Variants in TMEM131 observed in about 807,000 individuals in gnomAD.
TMEM131 encodes the protein transmembrane protein 131.
A neutral mutation model predicts 211.6 loss-of-function variants in TMEM131; 66 were observed. That is an observed-to-expected ratio of 0.31 (90% CI 0.26 to 0.38). The LOEUF is 0.38. Ranked by LOEUF, TMEM131 falls within the 10% of genes least tolerant of loss-of-function variation. The probability of loss-of-function intolerance (pLI) is 1.00; values close to 1 mark genes in which losing one functional copy is unlikely to be tolerated. For missense variants in TMEM131, 2,036 were observed against 2,299.3 expected (o/e 0.89, Z 2.34); for synonymous variants, 844 against 841.3 (o/e 1.00, Z -0.06).
intron 1 of TMEM131, among the ~76,000 whole-genome samples, chr2:97,969,307 T>C (rs954306673): frequency 8.5e-5 from 13 of 152,098 alleles, no homozygotes; most frequent in African/African-American, 3.1e-4. Flanking sequence ...TGTGTGTGCT[T>C]AGACAGACAA....
In TMEM131 at chr2:97,858,121, G is replaced by A. The variant is rs978743942; in HGVS notation, c.483+1183C>T. ...ATATGATGAAACAGGATTTTAGAGA[G>A]GAGAAATGTAAACATCAAATAAATG... On this transcript the variant is annotated intron_variant, in intron 5 of 40. Coordinates refer to ENST00000186436, the MANE Select transcript of TMEM131 (RefSeq NM_015348.2). Among the ~76,000 whole-genome samples the A allele has an allele frequency of 5.3e-5, 8 of 152,240 alleles. No individual in the cohort carries two copies. The East Asian group carries it at 1.5e-3, about 29-fold the overall frequency.
chr2:97,876,115 G>C, intron 4 of TMEM131, among the ~76,000 whole-genome samples: 1 of 152,186 alleles, frequency 6.6e-6, no homozygotes, highest in Non-Finnish European at 1.5e-5. Flanking sequence ...AGAAGAAATG[G>C]ATAAATTCCT....
At chr2:97,929,694 A>T (rs1677138776) in intron 1 of TMEM131, among the ~76,000 whole-genome samples, 1 of 151,854 alleles carries the variant, frequency 6.6e-6, no homozygotes, top group Non-Finnish European at 1.5e-5. Flanking sequence ...TGACAGTGCC[A>T]ACCTGCTCCA....
intron 8 of TMEM131, among the ~76,000 whole-genome samples, chr2:97,836,062 G>A (rs1387815204): frequency 2.6e-5 from 4 of 152,264 alleles, no homozygotes; most frequent in Admixed American, 2.6e-4. Context: ...CTGAAGGATT[G>A]TTTTATAGAT....
intron 19 of TMEM131, among the ~76,000 whole-genome samples, chr2:97,807,171 A>G (rs1435193913): frequency 6.6e-6 from 1 of 152,210 alleles, no homozygotes; most frequent in African/African-American, 2.4e-5. Flanking sequence ...TTGGTAATAT[A>G]GAGGTAATTT....
chr2:97,915,189 A>G (rs2104396427), intron 2 of TMEM131, among the ~76,000 whole-genome samples: 1 of 152,224 alleles, frequency 6.6e-6, no homozygotes, highest in African/African-American at 2.4e-5. Flanking sequence ...CTTTATTTTT[A>G]TACTATTGAG....
chr2:97,927,662 C>G (rs373148448), intron 1 of TMEM131, among the ~76,000 whole-genome samples, 175 bp from the exon 2 acceptor site: 1 of 152,022 alleles, frequency 6.6e-6, no homozygotes, highest in Non-Finnish European at 1.5e-5. Context: ...CTAAGAAATA[C>G]TTTAAAATAA....
At chr2:97,942,973 AAAG>A (rs1381636824) in intron 1 of TMEM131, among the ~76,000 whole-genome samples, 1 of 123,822 alleles carries the variant, frequency 8.1e-6, no homozygotes, top group African/African-American at 3.3e-5. Context: ...AAAAAGAAAG[AAAG>A]AAAGAAAGAA....
intron 11 of TMEM131, among the ~76,000 whole-genome samples, chr2:97,830,612 G>T (rs1264076203): frequency 6.6e-6 from 1 of 152,202 alleles, no homozygotes; most frequent in Non-Finnish European, 1.5e-5. Context: ...CTGATATTAT[G>T]ATTCCGATTT....
In TMEM131 at chr2:97,831,664, CTTTTTTTT is replaced by C. The variant is rs11378393; in HGVS notation, c.1074+1693_1074+1700del. On this transcript the variant is annotated intron_variant, in intron 11 of 40. Coordinates refer to ENST00000186436, the MANE Select transcript of TMEM131 (RefSeq NM_015348.2). ...ATATACTTTCATGTTTCACATACCTCTTTTTTTTTTTTTTTTTTTTTTTTTGAGACAGT... is the reference window on the plus strand; with the variant it reads ...ATATACTTTCATGTTTCACATACCTCTTTTTTTTTTTTTTTTTGAGACAGT... Among the ~76,000 whole-genome samples the C allele has an allele frequency of 5.2e-4, 42 of 80,626 alleles. 1 individual carries two copies. The highest frequency in any genetic ancestry group is 1.5e-3 in the African/African-American group (30 of 19,790). 52.9% of individuals were successfully genotyped at this position (80,626 alleles called of 152,430 possible).
intron 12 of TMEM131, 125 bp from the exon 13 acceptor site, chr2:97,815,432 A>G (rs1681777737): frequency 3.8e-6 from 2 of 526,488 alleles, no homozygotes; most frequent in African/African-American, 4.0e-5. Flanking sequence ...CCAACAGAAC[A>G]CTTTTTATAA....
At chr2:97,913,308 A>C (rs1573548403) in intron 2 of TMEM131, among the ~76,000 whole-genome samples, 1 of 152,180 alleles carries the variant, frequency 6.6e-6, no homozygotes, top group Admixed American at 6.5e-5. Flanking sequence ...AGATATCAAT[A>C]ATTTAGATGT....
chr2:97,940,639 T>G (rs1677674547), intron 1 of TMEM131, among the ~76,000 whole-genome samples: 1 of 151,894 alleles, frequency 6.6e-6, no homozygotes. Flanking sequence ...AAACCCCGTC[T>G]CTACTAAAAA....
intron 4 of TMEM131, among the ~76,000 whole-genome samples, chr2:97,880,208 T>C (rs1177595204): frequency 2.6e-5 from 4 of 152,064 alleles, no homozygotes; most frequent in Non-Finnish European, 5.9e-5. Context: ...ATCAGTGCTT[T>C]CAGGAAATGA....
intron 36 of TMEM131, chr2:97,761,137 G>C (rs1678819187): frequency 7.5e-6 from 4 of 535,098 alleles, no homozygotes; most frequent in Admixed American, 6.4e-5. Context: ...AGATCACTAT[G>C]AAAGAGACCA....
At chr2:97,898,068 ATTTT>A (rs1013140017) in intron 3 of TMEM131, among the ~76,000 whole-genome samples, 1 of 151,720 alleles carries the variant, frequency 6.6e-6, no homozygotes, top group Non-Finnish European at 1.5e-5. Flanking sequence ...TTCATTACTG[ATTTT>A]TTTTGTCTGC....
At chr2:97,795,747 CAATT>C (rs796974931) in intron 28 of TMEM131, among the ~76,000 whole-genome samples, 19 of 152,158 alleles carry the variant, frequency 1.2e-4, no homozygotes, top group African/African-American at 4.1e-4. Context: ...AACAAGTTAT[CAATT>C]AATTGTTAAA....
At chr2:97,798,963 T>C (rs796551279) in intron 25 of TMEM131, among the ~76,000 whole-genome samples, 11 of 152,312 alleles carry the variant, frequency 7.2e-5, no homozygotes, top group African/African-American at 2.6e-4. Context: ...GGGAAAACTT[T>C]AAGATGTTGT....
chr2:97,828,150 G>A (rs1322412205), intron 11 of TMEM131, among the ~76,000 whole-genome samples: 1 of 152,092 alleles, frequency 6.6e-6, no homozygotes, highest in Non-Finnish European at 1.5e-5. Context: ...TGTAACAGCT[G>A]ACCAACATGT....
Sources: gnomAD v4.1 joint callset for allele counts (sites outside exome capture counted in the v4.1 genomes callset) on GRCh38, gnomAD v4.1.1 for gene constraint, MANE v1.5 for transcripts, NCBI Gene and HGNC (gene_info 2026-07-23, HGNC 2026-07-21) for gene names.